CEP63: variants seen among roughly 807,000 people sequenced by gnomAD.
CEP63 encodes the protein centrosomal protein of 63 kDa.
In CEP63, 84 loss-of-function variants were observed where a neutral mutation model predicts 89.1. That is an observed-to-expected ratio of 0.94 (90% CI 0.79 to 1.13). The LOEUF (loss-of-function observed/expected upper bound fraction) is 1.13, where lower values mean the gene tolerates loss of function less well. Among genes scored for constraint, CEP63 ranks in the 50% most tolerant of loss-of-function variants. The pLI is 0.00. For missense variants in CEP63, 838 were observed against 813.3 expected (o/e 1.03, Z -0.37); for synonymous variants, 267 against 272.5 (o/e 0.98, Z 0.20).
the CEP63 span, among the ~76,000 whole-genome samples, chr3:134,596,988 A>G: frequency 2.6e-5 from 4 of 152,334 alleles, no homozygotes; most frequent in Middle Eastern, 6.8e-3. Context: ...TAGAAAGGAC[A>G]GCATGTATAA....
At chr3:134,518,100 A>G (rs1481941404) in intron 3 of CEP63, among the ~76,000 whole-genome samples, 1 of 152,222 alleles carries the variant, frequency 6.6e-6, no homozygotes, top group South Asian at 2.1e-4. Context: ...TCAGTTAACC[A>G]GGTTGCTTTA....
the CEP63 span, chr3:134,647,560 C>T: frequency 1.7e-5 from 17 of 982,556 alleles, no homozygotes; most frequent in Non-Finnish European, 2.6e-5. Flanking sequence ...GTACCAGTTG[C>T]AGACTTATCT....
Position 134,564,778 on chromosome 3 carries a change from C to A in CEP63, c.*3243C>A. On this transcript the variant is annotated 3_prime_UTR_variant, in exon 15 of 15. Coordinates refer to ENST00000675561, the MANE Select transcript of CEP63 (RefSeq NM_001353108.3). ...CAAGCTTCAGCTTAAAATCTGTAGACTGCAGCCCGTTTCTGAAACGTTTGT... is the reference window on the plus strand; with the variant it reads ...CAAGCTTCAGCTTAAAATCTGTAGAATGCAGCCCGTTTCTGAAACGTTTGT... The A allele has an allele frequency of 3.0e-6, 3 of 985,422 alleles. No individual in the cohort carries two copies. The highest frequency in any genetic ancestry group is 3.6e-6 in the Non-Finnish European group (3 of 829,922). 61.0% of individuals were successfully genotyped at this position (985,422 alleles called of 1,614,324 possible).
chr3:134,651,956 T>G, the CEP63 span, among the ~76,000 whole-genome samples: 1 of 152,150 alleles, frequency 6.6e-6, no homozygotes, highest in Non-Finnish European at 1.5e-5. Flanking sequence ...GAGTTTCTAC[T>G]GTTAATAAAT....
At chr3:134,569,649 G>T (rs1338672558), downstream of CEP63, among the ~76,000 whole-genome samples, 1 of 152,144 alleles carries the variant, frequency 6.6e-6, no homozygotes, top group African/African-American at 2.4e-5. Context: ...AGAGACTGTG[G>T]CTTTTCCAGG....
chr3:134,513,673 A>G (rs1945526005), intron 3 of CEP63, among the ~76,000 whole-genome samples: 1 of 152,070 alleles, frequency 6.6e-6, no homozygotes, highest in Non-Finnish European at 1.5e-5. Flanking sequence ...GGGGTCCATG[A>G]TGGCTCTGAA....
intron 12 of CEP63, chr3:134,552,993 G>T (rs1248854658): frequency 1.3e-5 from 2 of 152,130 alleles, no homozygotes; most frequent in African/African-American, 2.4e-5. Flanking sequence ...TTACAGTATA[G>T]ATGCTCTTTT....
chr3:134,548,899 GT>G (rs1367177077), intron 9 of CEP63, among the ~76,000 whole-genome samples, 162 bp from the exon 10 acceptor site: 1 of 152,082 alleles, frequency 6.6e-6, no homozygotes, highest in Non-Finnish European at 1.5e-5. Context: ...TTTTATCACA[GT>G]TTTTTTATTG....
the CEP63 span, among the ~76,000 whole-genome samples, chr3:134,685,290 A>G: frequency 6.6e-6 from 1 of 152,216 alleles, no homozygotes; most frequent in East Asian, 1.9e-4. Context: ...GGGAACTCTG[A>G]CCACCTAGAC....
chr3:134,592,732 G>A (rs1958626260), downstream of CEP63, among the ~76,000 whole-genome samples: 1 of 152,122 alleles, frequency 6.6e-6, no homozygotes, highest in Admixed American at 6.6e-5. Context: ...TCACCATTCA[G>A]TATGCAGATT....
chr3:134,780,465 A>G, the CEP63 span: 5 of 152,070 alleles, frequency 3.3e-5, no homozygotes, highest in Admixed American at 6.5e-5. Context: ...CTGTGCATTC[A>G]CCTACTCTAG....
the CEP63 span, among the ~76,000 whole-genome samples, chr3:134,638,920 G>A: frequency 2.0e-5 from 3 of 152,200 alleles, no homozygotes; most frequent in Admixed American, 2.0e-4. Flanking sequence ...GTGTGTGTGT[G>A]TGCATGTGCA....
the CEP63 span, among the ~76,000 whole-genome samples, chr3:134,774,552 A>G: frequency 4.6e-5 from 7 of 152,306 alleles, no homozygotes; most frequent in South Asian, 1.0e-3. Flanking sequence ...CAGCTGAAAG[A>G]CTTTTAGGAA....
At chr3:134,519,829 A>G (rs1251225551) in intron 3 of CEP63, among the ~76,000 whole-genome samples, 1 of 152,248 alleles carries the variant, frequency 6.6e-6, no homozygotes, top group Non-Finnish European at 1.5e-5. Context: ...AAAAAACACC[A>G]TAGTTATCTC....
chr3:134,731,970 A>G, the CEP63 span, among the ~76,000 whole-genome samples: 2 of 152,212 alleles, frequency 1.3e-5, no homozygotes, highest in African/African-American at 4.8e-5. Flanking sequence ...CAGGACTGGA[A>G]TTGGCAGCTT....
the CEP63 span, chr3:134,604,025 G>A: frequency 6.2e-7 from 1 of 1,614,012 alleles, no homozygotes; most frequent in Non-Finnish European, 8.5e-7. Flanking sequence ...CGGTGCAGCT[G>A]GAAGATGTAG....
the CEP63 span, among the ~76,000 whole-genome samples, chr3:134,661,311 T>C: frequency 1.3e-5 from 2 of 152,214 alleles, no homozygotes; most frequent in Admixed American, 6.5e-5. Flanking sequence ...GTGCAAACCA[T>C]CAGCCAACCC....
At chr3:134,706,680 A>G in the CEP63 span, among the ~76,000 whole-genome samples, 1 of 152,238 alleles carries the variant, frequency 6.6e-6, no homozygotes, top group Non-Finnish European at 1.5e-5. Context: ...ATGGTGGCTT[A>G]AAACAAGAGA....
the CEP63 span, among the ~76,000 whole-genome samples, chr3:134,689,198 G>A: frequency 5.9e-5 from 9 of 151,386 alleles, no homozygotes; most frequent in Admixed American, 2.0e-4. Context: ...CTTTCTCTTC[G>A]GCTTATGATG....
Sources: allele counts gnomAD v4.1 joint callset (sites outside exome capture counted in the v4.1 genomes callset), GRCh38; gene constraint gnomAD v4.1.1; transcripts MANE v1.5; gene names NCBI Gene and HGNC (gene_info 2026-07-23, HGNC 2026-07-21).